Variants in PPM1H observed in about 807,000 individuals in gnomAD.
PPM1H encodes protein phosphatase 1H.
Under a neutral mutation model 54.9 loss-of-function variants are expected in PPM1H, and 27 were observed. The ratio of observed to expected loss-of-function variants is 0.49; its 90% CI spans 0.36 to 0.68. The LOEUF (loss-of-function observed/expected upper bound fraction) is 0.68. Among genes scored for constraint, PPM1H ranks in the 30% least tolerant of loss-of-function variants. The pLI, the probability that PPM1H is intolerant of heterozygous loss-of-function variation, is 0.00. For synonymous variants in PPM1H, 305 were observed against 270.8 expected (o/e 1.13, Z -1.24); for missense variants, 596 against 667.8 (o/e 0.89, Z 1.19).
At chr12:62,685,539 C>T (rs2076046458) in intron 8 of PPM1H, among the ~76,000 whole-genome samples, 1 of 152,164 alleles carries the variant, frequency 6.6e-6, no homozygotes, top group Non-Finnish European at 1.5e-5. Context: ...TCCAATTTCC[C>T]AATCTGTAAA....
chr12:62,757,996 T>G (rs1422409344), intron 4 of PPM1H, among the ~76,000 whole-genome samples: 2 of 152,180 alleles, frequency 1.3e-5, no homozygotes, highest in Non-Finnish European at 2.9e-5. Flanking sequence ...AGCGCAGTAA[T>G]AGAGACAGTC....
chr12:62,672,017 C>T (rs2075959361), intron 8 of PPM1H, among the ~76,000 whole-genome samples: 1 of 152,264 alleles, frequency 6.6e-6, no homozygotes, highest in Admixed American at 6.5e-5. Context: ...CTGTAAACAC[C>T]ATGAGGGTTG....
intron 2 of PPM1H, among the ~76,000 whole-genome samples, chr12:62,804,025 A>G (rs368152553): frequency 1.3e-5 from 2 of 152,180 alleles, no homozygotes; most frequent in Non-Finnish European, 2.9e-5. Context: ...CCCCAACCAG[A>G]TAAGGGGCAT....
chr12:62,790,570 T>TCAAAAA (rs2076696631), intron 3 of PPM1H, among the ~76,000 whole-genome samples: 1 of 151,842 alleles, frequency 6.6e-6, no homozygotes, highest in South Asian at 2.1e-4. Flanking sequence ...AGACCCTGTC[T>TCAAAAA]CAAAAACAAA....
intron 8 of PPM1H, among the ~76,000 whole-genome samples, chr12:62,688,568 T>A (rs1439091567): frequency 6.6e-6 from 1 of 152,260 alleles, no homozygotes; most frequent in Admixed American, 6.5e-5. Context: ...CTGTTTCCTA[T>A]ATGGTAAGAC....
At chr12:62,668,440 ATCTCAGC>A (rs1298599617) in intron 8 of PPM1H, among the ~76,000 whole-genome samples, 2 of 152,156 alleles carry the variant, frequency 1.3e-5, no homozygotes, top group African/African-American at 4.8e-5. Context: ...CAGTGGCGTG[ATCTCAGC>A]TCACTGCAAC....
At chr12:62,910,704 T>G (rs1871427879) in intron 1 of PPM1H, among the ~76,000 whole-genome samples, 1 of 152,166 alleles carries the variant, frequency 6.6e-6, no homozygotes, top group African/African-American at 2.4e-5. Flanking sequence ...CGATATCTCT[T>G]GATAAGAAAA....
intron 9 of PPM1H, chr12:62,659,071 C>T (rs985621161): frequency 8.2e-6 from 6 of 727,750 alleles, no homozygotes; most frequent in East Asian, 7.8e-5. Flanking sequence ...GTCAAGGAGC[C>T]GGAAGTGCTG....
rs1871030312 is a variant in PPM1H, at chr12:62,897,479, T to C, written c.245+37013A>G. ...CACTTAATGATTTTGGTGAACAGTC[T>C]GAAATAGACAGTTATTGGAGCCTTT... On this transcript the variant is annotated intron_variant, in intron 1 of 9. Transcript: ENST00000228705. 2.0e-5 allele frequency among the ~76,000 whole-genome samples: 3 copies of C among 152,118 alleles called. No individual in the cohort carries two copies. In the South Asian group the frequency reaches 6.2e-4, roughly 31 times the overall value.
At chr12:62,701,865 G>C (rs2076145770) in intron 6 of PPM1H, among the ~76,000 whole-genome samples, 1 of 152,156 alleles carries the variant, frequency 6.6e-6, no homozygotes, top group South Asian at 2.1e-4. Context: ...AATCTGAAAT[G>C]CTCTTATTAA....
At chr12:62,883,357 C>A (rs1382873000) in intron 1 of PPM1H, among the ~76,000 whole-genome samples, 5 of 152,130 alleles carry the variant, frequency 3.3e-5, no homozygotes, top group Non-Finnish European at 5.9e-5. Context: ...TACCCCCGGG[C>A]TCCATGAGTG....
chr12:62,927,671 AAAAAG>A (rs950910861), intron 1 of PPM1H, among the ~76,000 whole-genome samples: 1 of 151,876 alleles, frequency 6.6e-6, no homozygotes, highest in Admixed American at 6.6e-5. Context: ...TCAAAAAAAA[AAAAAG>A]AAAAGAAAAA....
chr12:62,783,186 G>C (rs965332784), intron 4 of PPM1H, among the ~76,000 whole-genome samples: 1 of 152,222 alleles, frequency 6.6e-6, no homozygotes, highest in Admixed American at 6.5e-5. Context: ...GAAGGAGATG[G>C]GAGCTCTCAT....
chr12:62,704,275 A>G (rs2076161034), intron 6 of PPM1H, among the ~76,000 whole-genome samples: 1 of 152,126 alleles, frequency 6.6e-6, no homozygotes. Flanking sequence ...AACACCCTCT[A>G]TCCAGCTGGG....
intron 1 of PPM1H, among the ~76,000 whole-genome samples, chr12:62,930,740 G>A (rs1452412145): frequency 6.6e-6 from 1 of 152,232 alleles, no homozygotes; most frequent in African/African-American, 2.4e-5. Flanking sequence ...TTTATCAAAT[G>A]AGCAAACCAA....
intron 5 of PPM1H, among the ~76,000 whole-genome samples, chr12:62,730,006 C>T (rs1240140061): frequency 6.6e-6 from 1 of 152,088 alleles, no homozygotes; most frequent in Non-Finnish European, 1.5e-5. Context: ...TTGTGAAATT[C>T]CTTCTCCTGG....
chr12:62,723,752 T>G (rs563344385), intron 5 of PPM1H, among the ~76,000 whole-genome samples: 36 of 152,162 alleles, frequency 2.4e-4, no homozygotes, highest in Non-Finnish European at 4.0e-4. Flanking sequence ...TGTGTGTAAA[T>G]ACAGATACGT....
intron 5 of PPM1H, among the ~76,000 whole-genome samples, chr12:62,722,689 A>G (rs1464408782): frequency 6.6e-6 from 1 of 152,240 alleles, no homozygotes; most frequent in Non-Finnish European, 1.5e-5. Context: ...CATTATTTAT[A>G]ACATTAAATA....
chr12:62,922,767 G>A (rs1207611062), intron 1 of PPM1H, among the ~76,000 whole-genome samples: 1 of 152,124 alleles, frequency 6.6e-6, no homozygotes, highest in African/African-American at 2.4e-5. Flanking sequence ...AGCTGTTAGT[G>A]GACAATCTCT....
Sources: gnomAD v4.1 joint callset for allele counts (sites outside exome capture counted in the v4.1 genomes callset) on GRCh38, gnomAD v4.1.1 for gene constraint, MANE v1.5 for transcripts, NCBI Gene and HGNC (gene_info 2026-07-23, HGNC 2026-07-21) for gene names.